The following FOXK1 variants were observed in gnomAD, a reference collection of about 807,000 sequenced individuals.
The protein encoded by FOXK1 is forkhead box protein K1.
A neutral mutation model predicts 51.9 loss-of-function variants in FOXK1; 19 were observed. The observed-to-expected ratio is 0.37, with a 90% CI of 0.26 to 0.54. The LOEUF is 0.54. Ranked by LOEUF, FOXK1 falls within the 20% of genes least tolerant of loss-of-function variation. The pLI is 0.87. For synonymous variants in FOXK1, 537 were observed against 482.6 expected (o/e 1.11, Z -1.48); for missense variants, 870 against 1,032.7 (o/e 0.84, Z 2.16).
In FOXK1 at chr7:4,767,101, C is replaced by T. The variant is rs1330557930; in HGVS notation, c.*4637C>T. On this transcript the variant is annotated 3_prime_UTR_variant, in exon 9 of 9. Transcript: ENST00000328914. This position sits in a 1 kb window ranked among gnomAD's most constrained non-coding sequence, Gnocchi z 6.6. ...TTTGCTTCAGAAGCCTCACATTCTG[C>T]TTTGCCCTTGAGTGACTTCATGCGG... 2 of 152,262 alleles carry T rather than the reference C, an allele frequency of 1.3e-5. No individual in the cohort carries two copies. The highest frequency in any genetic ancestry group is 6.5e-5 in the Admixed American group (1 of 15,278). The allele number at this position is 152,262 out of a possible 1,614,324, so 9.4% of individuals were successfully genotyped here.
intron 1 of FOXK1, among the ~76,000 whole-genome samples, chr7:4,721,329 G>A (rs976289445): frequency 4.6e-5 from 7 of 152,282 alleles, no homozygotes; most frequent in African/African-American, 1.2e-4. Flanking sequence ...GCCCTGTGTC[G>A]CTGCAGCCCA....
intron 2 of FOXK1, among the ~76,000 whole-genome samples, chr7:4,741,745 A>T (rs933703730): frequency 3.9e-5 from 6 of 152,258 alleles, no homozygotes; most frequent in Non-Finnish European, 8.8e-5. Context: ...TTTTGAAGAA[A>T]GTCCTCAAAC....
chr7:4,754,968 T>C (rs891075966), intron 3 of FOXK1: 1 of 563,722 alleles, frequency 1.8e-6, no homozygotes, highest in African/African-American at 1.9e-5. Context: ...TTTTGTCCAA[T>C]AGCTGTTTTC....
intron 1 of FOXK1, among the ~76,000 whole-genome samples, chr7:4,717,247 G>A (rs1366778057): frequency 6.8e-6 from 1 of 146,688 alleles, no homozygotes; most frequent in Non-Finnish European, 1.5e-5. Context: ...GCATGTGGCT[G>A]GAAGGTGGTG....
At chr7:4,757,606 C>T (rs1415715113) in intron 5 of FOXK1, among the ~76,000 whole-genome samples, 2 of 128,636 alleles carry the variant, frequency 1.6e-5, no homozygotes, top group African/African-American at 3.1e-5. Context: ...TGCACTGCAG[C>T]CTGGGCGACA....
intron 1 of FOXK1, among the ~76,000 whole-genome samples, chr7:4,727,592 G>A (rs1780396880): frequency 6.6e-6 from 1 of 152,250 alleles, no homozygotes; most frequent in South Asian, 2.1e-4. Flanking sequence ...TGGGATTACA[G>A]GCTTAGCCAC....
intron 1 of FOXK1, among the ~76,000 whole-genome samples, chr7:4,718,217 C>T (rs1780262674): frequency 6.6e-6 from 1 of 151,644 alleles, no homozygotes; most frequent in Non-Finnish European, 1.5e-5. Context: ...CATCGGTGCG[C>T]TGTGTGTGGT....
Position 4,745,209 on chromosome 7 carries a change from C to G in FOXK1, c.746+4186C>G, listed in dbSNP as rs1353663980. On this transcript the variant is annotated intron_variant, in intron 2 of 8. Transcript: ENST00000328914. The surrounding 1 kb of genome is among the most constrained non-coding windows in gnomAD (Gnocchi z 4.3). ...CAGTGCCGCCCCGCCCCCGCGGTGC[C>G]TGCCTTCCTAATTTGGTGTGCATTC... Among the ~76,000 whole-genome samples, 1 of 152,218 alleles carries G rather than the reference C, an allele frequency of 6.6e-6. No homozygotes were observed. The highest frequency in any genetic ancestry group is 2.4e-5 in the African/African-American group (1 of 41,466).
In FOXK1 at chr7:4,711,776, C is replaced by T. The variant is rs565970770; in HGVS notation, c.560+28908C>T. 1.1e-3 allele frequency among the ~76,000 whole-genome samples: 174 copies of T among 152,356 alleles called. 2 individuals are homozygous for T. The highest frequency in any genetic ancestry group is 2.0e-3 in the Non-Finnish European group (136 of 68,036). ...CAGCCACAAGTCGGCAACGTAGTGCCTCCAGGGCAGATGCCACGGACCGTA... is the reference window on the plus strand; with the variant it reads ...CAGCCACAAGTCGGCAACGTAGTGCTTCCAGGGCAGATGCCACGGACCGTA... On this transcript the variant is annotated intron_variant, in intron 1 of 8. Coordinates refer to ENST00000328914, the MANE Select transcript of FOXK1 (RefSeq NM_001037165.2). The surrounding 1 kb of genome is among the most constrained non-coding windows in gnomAD (Gnocchi z 6.3).
In FOXK1 at chr7:4,731,082, A is replaced by C. The variant is rs569346325; in HGVS notation, c.561-9756A>C. 6.6e-6 allele frequency among the ~76,000 whole-genome samples: 1 copy of C among 152,264 alleles called. No individual in the cohort carries two copies. The highest frequency in any genetic ancestry group is 2.1e-4 in the South Asian group (1 of 4,820). On this transcript the variant is annotated intron_variant, in intron 1 of 8. Coordinates refer to ENST00000328914, the MANE Select transcript of FOXK1 (RefSeq NM_001037165.2). The surrounding 1 kb of genome is among the most constrained non-coding windows in gnomAD (Gnocchi z 5.3). ...AACACTGCAGGGCCTCCGGCATTCC[A>C]GTTTCAGGCCTTATCTGATGTGGCC...
intron 1 of FOXK1, among the ~76,000 whole-genome samples, chr7:4,721,661 G>C (rs904531911): frequency 1.4e-5 from 2 of 145,916 alleles, no homozygotes; most frequent in African/African-American, 5.2e-5. Context: ...TGCGATCTTG[G>C]CTCACTGCAA....
At chr7:4,752,293 C>T (rs1780789504) in intron 2 of FOXK1, among the ~76,000 whole-genome samples, 1 of 152,102 alleles carries the variant, frequency 6.6e-6, no homozygotes, top group South Asian at 2.1e-4. Flanking sequence ...TACAGGTGCA[C>T]ACCACCACAC....
In FOXK1 at chr7:4,767,722, C is replaced by A. The variant is rs1781035003; in HGVS notation, c.*5258C>A. 1 of 152,166 alleles carries A rather than the reference C, an allele frequency of 6.6e-6. No individual in the cohort carries two copies. Among genetic ancestry groups the A allele is most frequent in the Non-Finnish European group, 1.5e-5 (1 of 68,046 alleles). 9.4% of individuals were successfully genotyped at this position (152,166 alleles called of 1,614,324 possible). On this transcript the variant is annotated 3_prime_UTR_variant, in exon 9 of 9. Coordinates refer to ENST00000328914, the MANE Select transcript of FOXK1 (RefSeq NM_001037165.2). This position sits in a 1 kb window ranked among gnomAD's most constrained non-coding sequence, Gnocchi z 6.6. Reference sequence around the variant, plus strand: ...TCTTTTCAAAGTTCCTTTCTCCAGGCCTGTTTTTCAGTGCTCAGGACACGG... The same window carrying A: ...TCTTTTCAAAGTTCCTTTCTCCAGGACTGTTTTTCAGTGCTCAGGACACGG...
intron 1 of FOXK1, among the ~76,000 whole-genome samples, chr7:4,705,576 C>T (rs564482218): frequency 5.1e-4 from 59 of 115,800 alleles, no homozygotes; most frequent in African/African-American, 1.1e-3. Flanking sequence ...GCTCTCTCGT[C>T]GCCAGGCTGG....
In FOXK1 at chr7:4,762,687, C is replaced by G; in HGVS notation, c.*223C>G. On this transcript the variant is annotated 3_prime_UTR_variant, in exon 9 of 9. Coordinates refer to ENST00000328914, the MANE Select transcript of FOXK1 (RefSeq NM_001037165.2). This position sits in a 1 kb window ranked among gnomAD's most constrained non-coding sequence, Gnocchi z 5.7. ...AGTTCAGACAACTGATTGTATGATT[C>G]TGGGAATTCTTTGCTTTCCTTTCCT... The G allele has an allele frequency of 1.8e-6, 1 of 566,770 alleles. No homozygotes were observed. The highest frequency in any genetic ancestry group is 2.3e-5 in the South Asian group (1 of 44,056). The allele number at this position is 566,770 out of a possible 1,614,324, so 35.1% of individuals were successfully genotyped here. A position where few individuals can be genotyped will look rare whatever the true frequency, so the allele number is the denominator to read the frequency against.
rs745430286 is a variant in FOXK1 at position 4,707,114 on chromosome 7, C to T, written c.560+24246C>T. Among the ~76,000 whole-genome samples, 23 of 152,222 alleles carry T rather than the reference C, an allele frequency of 1.5e-4. No homozygotes were observed. Among genetic ancestry groups the T allele is most frequent in the Non-Finnish European group, 3.1e-4 (21 of 68,036 alleles). ...CCACCTTCCAGTCTTAGAGAAGCAG[C>T]GATGTCTCCCCTCCGGGTTTCCCAT... On this transcript the variant is annotated intron_variant, in intron 1 of 8. Transcript: ENST00000328914. This position sits in a 1 kb window ranked among gnomAD's most constrained non-coding sequence, Gnocchi z 4.1.
At chr7:4,694,129 C>G (rs1355612739) in intron 1 of FOXK1, among the ~76,000 whole-genome samples, 1 of 152,226 alleles carries the variant, frequency 6.6e-6, no homozygotes, top group Non-Finnish European at 1.5e-5. Flanking sequence ...TCACATGATC[C>G]TCCCACCTGG....
At chr7:4,714,403 C>T (rs771168072) in intron 1 of FOXK1, among the ~76,000 whole-genome samples, 1 of 152,170 alleles carries the variant, frequency 6.6e-6, no homozygotes, top group African/African-American at 2.4e-5. Flanking sequence ...CTCAGCCTCC[C>T]GAGTAGCTGG....
At chr7:4,751,390 A>G (rs1032860789) in intron 2 of FOXK1, among the ~76,000 whole-genome samples, 3 of 152,162 alleles carry the variant, frequency 2.0e-5, no homozygotes, top group African/African-American at 7.2e-5. Flanking sequence ...GTGGACTCCC[A>G]GCATCAGACA....
Sources: gnomAD v4.1 joint callset for allele counts (sites outside exome capture counted in the v4.1 genomes callset) on GRCh38, gnomAD v4.1.1 for gene constraint, Gnocchi (gnomAD v3.1) non-coding constraint, MANE v1.5 for transcripts, NCBI Gene and HGNC (gene_info 2026-07-23, HGNC 2026-07-21) for gene names.